Variants in MEIOB observed in about 807,000 individuals in gnomAD.
MEIOB encodes meiosis-specific with OB domain-containing protein.
MEIOB carries 50 observed loss-of-function variants against 53.1 expected under a neutral mutation model. That is an observed-to-expected ratio of 0.94 (90% CI 0.75 to 1.19). The LOEUF is 1.19. Among genes scored for constraint, MEIOB ranks in the 50% most tolerant of loss-of-function variants. MEIOB has a pLI of 0.00. For synonymous variants in MEIOB, 192 were observed against 182.5 expected, an observed-to-expected ratio of 1.05 and a Z score of -0.42; for missense variants, 551 against 550.8, an observed-to-expected ratio of 1.00 and a Z score of 0.00.
chr16:1,856,698 G>A (rs1350979308), intron 6 of MEIOB, among the ~76,000 whole-genome samples: 1 of 149,836 alleles, frequency 6.7e-6, no homozygotes, highest in African/African-American at 2.5e-5. Flanking sequence ...CTGACCTTGT[G>A]ATCCACCCGC....
intron 2 of MEIOB, among the ~76,000 whole-genome samples, chr16:1,867,146 T>G (rs1346279270): frequency 6.6e-6 from 1 of 152,144 alleles, no homozygotes; most frequent in Non-Finnish European, 1.5e-5. Flanking sequence ...GAAATCTAGT[T>G]TGCAAAAGCA....
At chr16:1,861,892 T>C in intron 4 of MEIOB, 93 bp downstream of exon 4, 3 of 1,247,028 alleles carry the variant, frequency 2.4e-6, no homozygotes, top group Non-Finnish European at 3.3e-6. Flanking sequence ...TTACGAACTG[T>C]GTCTCATTTC....
In MEIOB at chr16:1,851,972, A is replaced by G. The variant is rs538686587; in HGVS notation, c.778+1067T>C. Reference sequence around the variant, plus strand: ...CAGGCACTAATCCCTCATCTCCCCAATCTGGCTTCCTTGATTTCATGCTGT... The same window carrying G: ...CAGGCACTAATCCCTCATCTCCCCAGTCTGGCTTCCTTGATTTCATGCTGT... On this transcript the variant is annotated intron_variant, in intron 9 of 13. Coordinates refer to ENST00000325962, the MANE Select transcript of MEIOB (RefSeq NM_001163560.3). 1.1e-4 allele frequency among the ~76,000 whole-genome samples: 17 copies of G among 152,244 alleles called. 1 individual carries two copies. The South Asian group carries it at 2.9e-3, about 26-fold the overall frequency.
At chr16:1,866,183 C>G (rs181981429) in intron 2 of MEIOB, among the ~76,000 whole-genome samples, 209 of 152,268 alleles carry the variant, frequency 1.4e-3, no homozygotes, top group African/African-American at 4.9e-3. Flanking sequence ...ATTTAATTTG[C>G]CACAGTCTTC....
intron 1 of MEIOB, among the ~76,000 whole-genome samples, chr16:1,868,810 G>T (rs1026132042): frequency 6.6e-6 from 1 of 151,882 alleles, no homozygotes; most frequent in Non-Finnish European, 1.5e-5. Context: ...AGCTGAGATG[G>T]CACCACTGCA....
At chr16:1,842,788 C>T (rs982997092) in intron 10 of MEIOB, among the ~76,000 whole-genome samples, 10 of 150,622 alleles carry the variant, frequency 6.6e-5, no homozygotes, top group Non-Finnish European at 8.9e-5. Flanking sequence ...CTCAGCCTCC[C>T]GAGTAGCTGG....
At chr16:1,851,784 T>C (rs568967239) in intron 9 of MEIOB, among the ~76,000 whole-genome samples, 3 of 152,350 alleles carry the variant, frequency 2.0e-5, no homozygotes, top group Non-Finnish European at 2.9e-5. Flanking sequence ...CTGTCACTGC[T>C]GATGCTTTGT....
chr16:1,860,146 G>C (rs1168139624), intron 5 of MEIOB, among the ~76,000 whole-genome samples: 1 of 152,170 alleles, frequency 6.6e-6, no homozygotes, highest in Non-Finnish European at 1.5e-5. Flanking sequence ...TCCTCATTCA[G>C]TTTTAACATG....
rs1348005788 is a variant in MEIOB, at chr16:1,839,181, A to C, written c.1218+74T>G. ...CAATTTCTATCAAATGTTTGACAAA[A>C]CAACCTATATTTTTTTGGGAAAAAG... On this transcript the variant is annotated intron_variant, in intron 12 of 13. Transcript: ENST00000325962. The C allele has an allele frequency of 4.1e-6, 6 of 1,449,582 alleles. No individual in the cohort carries two copies. In the African/African-American group the frequency reaches 8.6e-5, roughly 21 times the overall value. The allele number at this position is 1,449,582 out of a possible 1,614,324, so 89.8% of individuals were successfully genotyped here.
chr16:1,867,954 G>A (rs1284138270), intron 2 of MEIOB, among the ~76,000 whole-genome samples, 153 bp downstream of exon 2: 2 of 151,770 alleles, frequency 1.3e-5, no homozygotes, highest in African/African-American at 2.4e-5. Context: ...AAGAAATTTA[G>A]GTATACTTAA....
rs1567279116 is a variant in MEIOB at position 1,857,761 on chromosome 16, T to C, written c.502A>G (p.Ile168Val). 1 of 1,551,600 alleles carries C rather than the reference T, an allele frequency of 6.4e-7. No individual in the cohort carries two copies. Among genetic ancestry groups the C allele is most frequent in the Non-Finnish European group, 8.7e-7 (1 of 1,146,942 alleles). The change falls in exon 6 of 14, where the codon ATT (isoleucine) becomes GTT (valine). Residue 168 changes from isoleucine (I) to valine (V), a missense_variant. Ile to Val is a conservative substitution (Grantham distance 29, BLOSUM62 3). Coordinates refer to ENST00000325962, the MANE Select transcript of MEIOB (RefSeq NM_001163560.3). ...ANGHSLNGRI[I>V]NVLAAVKSVG... ...GATTTCACAGCTGCAAGCACGTTAATAATCCTCCCATTAAGACTGTGTCCA... is the reference window on the plus strand; with the variant it reads ...GATTTCACAGCTGCAAGCACGTTAACAATCCTCCCATTAAGACTGTGTCCA...
Position 1,844,912 on chromosome 16 carries a change from G to A in MEIOB, c.830C>T (p.Thr277Met), listed in dbSNP as rs1369786705. ...LLNFIRENKE[T>M]NVLDDEIDSY... ...GTCAATTTCATCATCCAGAACATTC[G>A]TTTCTTTATTTTCTCGTATAAAATT... The change falls in exon 10 of 14, where the codon ACG becomes ATG. Residue 277 changes from threonine (T) to methionine (M), a missense_variant. Thr to Met is a moderately conservative substitution (Grantham distance 81, BLOSUM62 -1). Transcript: ENST00000325962. The A allele has an allele frequency of 5.2e-6, 8 of 1,552,956 alleles. No individual in the cohort carries two copies. Among genetic ancestry groups the A allele is most frequent in the South Asian group, 3.5e-5 (3 of 86,168 alleles).
rs1340945403 is a variant in MEIOB at position 1,854,157 on chromosome 16, C to T, written c.572G>A (p.Gly191Asp). Residue 191 changes from glycine (G) to aspartate (D), a missense_variant, in exon 7 of 14, where the codon GGC becomes GAC. Coordinates refer to ENST00000325962, the MANE Select transcript of MEIOB (RefSeq NM_001163560.3). ...ATAGAGTCTAACTTCACACCTCTGG[C>T]CTTTTCTCCGGTCTGAAGTTGTAAA... The part of the protein sequence containing the change: ...KYFTTSDRRK[G>D]QRCEVRLYDE... The T allele has an allele frequency of 9.0e-6, 14 of 1,550,924 alleles. No individual in the cohort carries two copies. The highest frequency in any genetic ancestry group is 2.4e-5 in the East Asian group (1 of 40,902).
At chr16:1,835,686 G>A (rs1420386670) in intron 13 of MEIOB, among the ~76,000 whole-genome samples, 1 of 152,098 alleles carries the variant, frequency 6.6e-6, no homozygotes, top group Non-Finnish European at 1.5e-5. Flanking sequence ...TTAGAACTAG[G>A]TTGTAGAAAG....
At chr16:1,869,850 T>C (rs1411273475) in intron 1 of MEIOB, among the ~76,000 whole-genome samples, 1 of 151,012 alleles carries the variant, frequency 6.6e-6, no homozygotes, top group African/African-American at 2.4e-5. Flanking sequence ...AGCATTTGAT[T>C]ATACTGTGTG....
Position 1,854,179 on chromosome 16 carries a change from T to A in MEIOB, c.550A>T (p.Thr184Ser). Residue 184 changes from threonine to serine, a missense_variant, in exon 7 of 14, where the codon ACA becomes TCA. Physicochemically the swap from Thr to Ser is moderately conservative, Grantham distance 58. Transcript: ENST00000325962. ...TGGCCTTTTCTCCGGTCTGAAGTTG[T>A]AAAGTATTTTGGCTCTCCAACCTTA... ...VKSVGEPKYF[T>S]TSDRRKGQRC... 1 of 1,548,946 alleles carries A rather than the reference T, an allele frequency of 6.5e-7. No individual in the cohort carries two copies. The highest frequency in any genetic ancestry group is 8.7e-7 in the Non-Finnish European group (1 of 1,144,806).
At chr16:1,846,017 C>T (rs1899019416) in intron 9 of MEIOB, among the ~76,000 whole-genome samples, 1 of 152,188 alleles carries the variant, frequency 6.6e-6, no homozygotes, top group Admixed American at 6.5e-5. Flanking sequence ...TTGTCAAATC[C>T]TTGCCAGCAC....
intron 11 of MEIOB, chr16:1,839,664 G>T: frequency 2.2e-6 from 1 of 453,742 alleles, no homozygotes; most frequent in Admixed American, 4.0e-5. Context: ...TCCTCTGCCT[G>T]CCCTCCTTCC....
At chr16:1,847,758 A>G (rs113470630) in intron 9 of MEIOB, among the ~76,000 whole-genome samples, 1 of 152,282 alleles carries the variant, frequency 6.6e-6, no homozygotes, top group Non-Finnish European at 1.5e-5. Flanking sequence ...GGCTGTAGAC[A>G]CTATCATTCC....
Sources: gnomAD v4.1 joint callset for allele counts (sites outside exome capture counted in the v4.1 genomes callset) on GRCh38, gnomAD v4.1.1 for gene constraint, MANE v1.5 for transcripts, NCBI Gene and HGNC (gene_info 2026-07-23, HGNC 2026-07-21) for gene names.